The following NACC1 variants were observed in gnomAD, a reference collection of about 807,000 sequenced individuals.
The protein encoded by NACC1 is nucleus accumbens associated 1, also known as nucleus accumbens-associated protein 1.
Under a neutral mutation model 41.7 loss-of-function variants are expected in NACC1, and 6 were observed. That is an observed-to-expected ratio of 0.14 (90% confidence interval 0.08 to 0.28). The LOEUF (loss-of-function observed/expected upper bound fraction) is 0.28. NACC1 is among the 10% of genes least tolerant of loss of function. The pLI, the probability that NACC1 is intolerant of heterozygous loss-of-function variation, is 1.00. For synonymous variants in NACC1, 338 were observed against 330.6 expected (o/e 1.02, Z -0.24); for missense variants, 434 against 763.7 (o/e 0.57, Z 5.09).
intron 1 of NACC1, among the ~76,000 whole-genome samples, chr19:13,119,632 G>C (rs1278373555): frequency 6.6e-6 from 1 of 152,202 alleles, no homozygotes; most frequent in African/African-American, 2.4e-5. Context: ...CCTGAGTTCT[G>C]TGTGCCATCT....
intron 1 of NACC1, among the ~76,000 whole-genome samples, chr19:13,129,113 A>G (rs987626808): frequency 1.3e-5 from 2 of 152,110 alleles, no homozygotes; most frequent in Non-Finnish European, 2.9e-5. Flanking sequence ...AGAAGTGAGT[A>G]GCTGAGGGTG....
At chr19:13,121,756 C>G (rs755066561) in intron 1 of NACC1, among the ~76,000 whole-genome samples, 1 of 152,174 alleles carries the variant, frequency 6.6e-6, no homozygotes, top group East Asian at 1.9e-4. Flanking sequence ...AGTGTTCATG[C>G]CACTCTGCGT....
chr19:13,135,757 C>A lies in NACC1; in HGVS notation c.550C>A (p.Arg184=). The change falls in exon 2 of 6, where the codon CGG becomes AGG. Residue 184 remains arginine (R), a synonymous_variant. Coordinates refer to ENST00000292431, the MANE Select transcript of NACC1 (RefSeq NM_052876.4). ...DSVQCMPVAK[R]LWDSGQKEAG... Reference sequence around the variant, plus strand: ...CGTGCAGTGCATGCCCGTGGCCAAGCGGCTGTGGGACAGTGGCCAGAAGGA... The same window carrying A: ...CGTGCAGTGCATGCCCGTGGCCAAGAGGCTGTGGGACAGTGGCCAGAAGGA... The A allele has an allele frequency of 6.4e-7, 1 of 1,560,076 alleles. No individual in the cohort carries two copies. The highest frequency in any genetic ancestry group is 1.2e-5 in the South Asian group (1 of 85,046).
At position 13,139,200 on chromosome 19, in the gene NACC1, A is replaced by G. The variant is rs1424433693; in HGVS notation, c.*794A>G. 2.0e-5 allele frequency: 3 copies of G among 151,976 alleles called. No individual in the cohort carries two copies. Among genetic ancestry groups the G allele is most frequent in the Non-Finnish European group, 4.4e-5 (3 of 68,022 alleles). 9.4% of individuals were successfully genotyped at this position (151,976 alleles called of 1,614,324 possible). A position where few individuals can be genotyped will look rare whatever the true frequency, so the allele number is the denominator to read the frequency against. On this transcript the variant is annotated 3_prime_UTR_variant, in exon 6 of 6. Coordinates refer to ENST00000292431, the MANE Select transcript of NACC1 (RefSeq NM_052876.4). ...GTGTGCAGAAGTTTTGCTTTCAAAC[A>G]AATGAAGATACAAGAGGCAGTAGGA...
At chr19:13,125,412 C>CTTTTTTT (rs760978944) in intron 1 of NACC1, among the ~76,000 whole-genome samples, 1 of 100,306 alleles carries the variant, frequency 1.0e-5, no homozygotes, top group Admixed American at 1.1e-4. Flanking sequence ...GAAGGCCCCA[C>CTTTTTTT]TTTTTTTTTT....
Position 13,137,407 on chromosome 19 carries a change from G to A in NACC1, c.1226+31G>A. The A allele has an allele frequency of 6.3e-7, 1 of 1,576,996 alleles. No homozygotes were observed. ...GCCCTTGCCAGAGCCCCAGGGAGGG[G>A]GGTGGGGTTTCCCCATGTCCCCCCC... On this transcript the variant is annotated intron_variant, in intron 4 of 5. Coordinates refer to ENST00000292431, the MANE Select transcript of NACC1 (RefSeq NM_052876.4). The surrounding 1 kb of genome is among the most constrained non-coding windows in gnomAD (Gnocchi z 6.1).
chr19:13,136,233 C>T lies in NACC1; in HGVS notation c.948C>T (p.Ala316=), dbSNP rs201327710. 1,640 of 1,611,628 alleles carry T rather than the reference C, an allele frequency of 1.0e-3. 31 individuals are homozygous for T. In the South Asian group the frequency reaches 0.017, roughly 17 times the overall value. The stretch of plus-strand genomic sequence containing the variant: ...TCGCGTGCCACTCTCTCCCTGCAGC[C>T]GAGAAGGTGGAGGCCCTCCCGGAGC... The part of the protein sequence containing the change: ...MYSMMNVGQT[A]EKVEALPEQV... The change falls in exon 3 of 6, where the codon GCC becomes GCT. Residue 316 remains alanine (A), a splice_region_variant and synonymous_variant. Coordinates refer to ENST00000292431, the MANE Select transcript of NACC1 (RefSeq NM_052876.4). This position sits in a 1 kb window ranked among gnomAD's most constrained non-coding sequence, Gnocchi z 5.5.
chr19:13,132,471 C>A, intron 1 of NACC1: 1 of 148,426 alleles, frequency 6.7e-6, no homozygotes, highest in Non-Finnish European at 1.5e-5. Context: ...CCCTTCAGGA[C>A]ATATCTTTTG....
At position 13,138,055 on chromosome 19, in the gene NACC1, G is replaced by T. The variant is rs1304144800; in HGVS notation, c.1325-92G>T. ...GGCCTCACTCGTTTCCCCTTTGAGA[G>T]GGAGTCGCAGATGCTGTAGGGGAGC... On this transcript the variant is annotated intron_variant, in intron 5 of 5. Coordinates refer to ENST00000292431, the MANE Select transcript of NACC1 (RefSeq NM_052876.4). This position sits in a 1 kb window ranked among gnomAD's most constrained non-coding sequence, Gnocchi z 5.7. 2.6e-6 allele frequency: 4 copies of T among 1,545,862 alleles called. No homozygotes were observed. Among genetic ancestry groups the T allele is most frequent in the Non-Finnish European group, 3.5e-6 (4 of 1,141,792 alleles).
intron 1 of NACC1, among the ~76,000 whole-genome samples, chr19:13,120,715 G>C (rs2019478831): frequency 6.6e-6 from 1 of 152,232 alleles, no homozygotes; most frequent in Non-Finnish European, 1.5e-5. Flanking sequence ...AAGCTGGGTT[G>C]GATACCAGGG....
chr19:13,118,860 G>C (rs2019448691), intron 1 of NACC1, among the ~76,000 whole-genome samples: 1 of 140,150 alleles, frequency 7.1e-6, no homozygotes, highest in African/African-American at 2.7e-5. Context: ...GAGGAGAGCG[G>C]CGCGGCCGGA....
chr19:13,124,530 C>T (rs1008885480), intron 1 of NACC1, among the ~76,000 whole-genome samples: 7 of 152,092 alleles, frequency 4.6e-5, no homozygotes, highest in South Asian at 4.1e-4. Flanking sequence ...TAGGAGTCAC[C>T]GCCCCCCACT....
intron 1 of NACC1, among the ~76,000 whole-genome samples, chr19:13,130,530 C>CTTTT (rs1568384184): frequency 7.2e-6 from 1 of 138,132 alleles, no homozygotes; most frequent in African/African-American, 3.0e-5. Flanking sequence ...CCTCTTTTTT[C>CTTTT]TTTTCTTTTT....
chr19:13,119,962 G>A (rs776381151), intron 1 of NACC1, among the ~76,000 whole-genome samples: 1 of 152,156 alleles, frequency 6.6e-6, no homozygotes, highest in Non-Finnish European at 1.5e-5. Context: ...GGCTGAACTG[G>A]GATTGTCTGA....
chr19:13,126,776 C>T (rs943188098), intron 1 of NACC1, among the ~76,000 whole-genome samples: 3 of 152,104 alleles, frequency 2.0e-5, no homozygotes, highest in Non-Finnish European at 2.9e-5. Context: ...TGGAACAAAA[C>T]AGGGAGTTAG....
chr19:13,134,205 T>C (rs2019669570), intron 1 of NACC1, among the ~76,000 whole-genome samples: 1 of 151,380 alleles, frequency 6.6e-6, no homozygotes. Flanking sequence ...ACCACAGGTG[T>C]GCTCCACCAT....
At chr19:13,117,416 C>G (rs991514662), upstream of NACC1, 2 of 152,224 alleles carry the variant, frequency 1.3e-5, no homozygotes, top group African/African-American at 4.8e-5. Context: ...CAGAACCTAG[C>G]ATCCGGTAAG....
At chr19:13,134,882 C>T (rs1403307345) in intron 1 of NACC1, among the ~76,000 whole-genome samples, 1 of 152,262 alleles carries the variant, frequency 6.6e-6, no homozygotes, top group African/African-American at 2.4e-5. Context: ...CTTCCGAGCA[C>T]TTAAGCATAT....
Position 13,136,222 on chromosome 19 carries a change from C to CT in NACC1, c.947-9dup. On this transcript the variant is annotated splice_polypyrimidine_tract_variant and intron_variant, in intron 2 of 5. Coordinates refer to ENST00000292431, the MANE Select transcript of NACC1 (RefSeq NM_052876.4). This position sits in a 1 kb window ranked among gnomAD's most constrained non-coding sequence, Gnocchi z 5.5. The stretch of plus-strand genomic sequence containing the variant: ...CCTCCTGCCACTCGCGTGCCACTCT[C>CT]TCCCTGCAGCCGAGAAGGTGGAGGC... 6.2e-7 allele frequency: 1 copy of CT among 1,609,550 alleles called. No individual in the cohort carries two copies. Among genetic ancestry groups the CT allele is most frequent in the Non-Finnish European group, 8.5e-7 (1 of 1,177,324 alleles).
Sources: allele counts gnomAD v4.1 joint callset (sites outside exome capture counted in the v4.1 genomes callset), GRCh38; gene constraint gnomAD v4.1.1; non-coding constraint Gnocchi (gnomAD v3.1); transcripts MANE v1.5; gene names NCBI Gene and HGNC (gene_info 2026-07-23, HGNC 2026-07-21).